The following SERPINB4 variants were observed in gnomAD, a reference collection of about 807,000 sequenced individuals.
The protein encoded by SERPINB4 is serpin family B member 4.
In SERPINB4, 39 loss-of-function variants were observed where a neutral mutation model predicts 33.2. The observed-to-expected ratio is 1.18, with a 90% CI of 0.91 to 1.53. The LOEUF (loss-of-function observed/expected upper bound fraction) is 1.53, where lower values mean the gene tolerates loss of function less well. SERPINB4 is among the 40% of genes most tolerant of loss of function. SERPINB4 has a pLI of 0.00. For missense variants in SERPINB4, 564 were observed against 455.4 expected, an observed-to-expected ratio of 1.24 and a Z score of -2.17; for synonymous variants, 191 against 166.4, an observed-to-expected ratio of 1.15 and a Z score of -1.14.
chr18:63,637,931 G>C lies in SERPINB4; in HGVS notation c.961C>G (p.His321Asp), dbSNP rs1325633177. Residue 321 changes from histidine (H) to aspartate (D), a missense_variant, in exon 8 of 8, where the codon CAC (histidine) becomes GAC (aspartate). Coordinates refer to ENST00000341074, the MANE Select transcript of SERPINB4 (RefSeq NM_002974.4). The stretch of plus-strand genomic sequence containing the variant: ...AGGACTTTAGATACTGAGAGACCGT[G>C]GCTCCAGGTCATGCCTGAGAGGTCT... ...DADLSGMTWS[H>D]GLSVSKVLHK... 6.2e-7 allele frequency: 1 copy of C among 1,613,496 alleles called. No homozygotes were observed. Among genetic ancestry groups the C allele is most frequent in the African/African-American group, 1.3e-5 (1 of 74,874 alleles).
At chr18:63,640,487 C>T (rs945764100) in intron 5 of SERPINB4, among the ~76,000 whole-genome samples, 2 of 152,020 alleles carry the variant, frequency 1.3e-5, no homozygotes, top group Admixed American at 1.3e-4. Context: ...GCTTGTTTCC[C>T]AATTAGTAAA....
rs770517967 is a variant in SERPINB4 at position 63,643,142 on chromosome 18, A to G, written c.222+19T>C. ...CTGTTCAGGGATCTAAAGCTGAACC[A>G]TAGTGCTCTGTGACTCACATGATAT... On this transcript the variant is annotated intron_variant, in intron 3 of 7. Coordinates refer to ENST00000341074, the MANE Select transcript of SERPINB4 (RefSeq NM_002974.4). The G allele has an allele frequency of 1.1e-5, 18 of 1,613,224 alleles. No individual in the cohort carries two copies. The East Asian group carries it at 3.6e-4, about 32-fold the overall frequency.
In SERPINB4 at chr18:63,643,410, T is replaced by C. The variant is rs779806426; in HGVS notation, c.165+3A>G. On this transcript the variant is annotated splice_donor_region_variant and intron_variant, in intron 2 of 7. Coordinates refer to ENST00000341074, the MANE Select transcript of SERPINB4 (RefSeq NM_002974.4). ...AGGACAACGTAATGATGCTGATAGCTACCTTGCTAATTTGTTGTGCAGTGT... is the reference window on the plus strand; with the variant it reads ...AGGACAACGTAATGATGCTGATAGCCACCTTGCTAATTTGTTGTGCAGTGT... 6.2e-7 allele frequency: 1 copy of C among 1,613,648 alleles called. No individual in the cohort carries two copies. The highest frequency in any genetic ancestry group is 1.3e-5 in the African/African-American group (1 of 75,014).
At position 63,637,296 on chromosome 18, in the gene SERPINB4, T is replaced by A. The variant is rs186796712; in HGVS notation, c.*423A>T. 1.3e-5 allele frequency: 2 copies of A among 155,552 alleles called. No individual in the cohort carries two copies. Among genetic ancestry groups the A allele is most frequent in the Non-Finnish European group, 2.8e-5 (2 of 70,558 alleles). The allele number at this position is 155,552 out of a possible 1,614,324, so 9.6% of individuals were successfully genotyped here. A position where few individuals can be genotyped will look rare whatever the true frequency, so the allele number is the denominator to read the frequency against. On this transcript the variant is annotated 3_prime_UTR_variant, in exon 8 of 8. Transcript: ENST00000341074. ...ATTATTTTATTGATGATGTGTTTTATAGAATCACAAAATTTAGAAACATAA... is the reference window on the plus strand; with the variant it reads ...ATTATTTTATTGATGATGTGTTTTAAAGAATCACAAAATTTAGAAACATAA...
intron 7 of SERPINB4, 28 bp downstream of exon 7, chr18:63,639,157 A>T (rs763349166): frequency 9.5e-5 from 148 of 1,554,522 alleles, no homozygotes; most frequent in Non-Finnish European, 1.2e-4. Context: ...CGGCAGTAGA[A>T]GGAAGAGTTG....
chr18:63,638,663 A>C (rs1481690580), intron 7 of SERPINB4, among the ~76,000 whole-genome samples: 1 of 151,858 alleles, frequency 6.6e-6, no homozygotes. Flanking sequence ...ATTGCTGCAT[A>C]ATAATATCAT....
At position 63,642,355 on chromosome 18, in the gene SERPINB4, G is replaced by A. The variant is rs567776897; in HGVS notation, c.223-467C>T. Reference sequence around the variant, plus strand: ...TGTAGGACACATTGACTGATCTGTGGCTCTTTCCTCATGATGGTCATTCTC... The same window carrying A: ...TGTAGGACACATTGACTGATCTGTGACTCTTTCCTCATGATGGTCATTCTC... On this transcript the variant is annotated intron_variant, in intron 3 of 7. Transcript: ENST00000341074. 1.3e-3 allele frequency among the ~76,000 whole-genome samples: 205 copies of A among 152,186 alleles called. 2 individuals carry two copies. The highest frequency in any genetic ancestry group is 3.4e-3 in the Middle Eastern group (1 of 294).
intron 3 of SERPINB4, among the ~76,000 whole-genome samples, chr18:63,642,147 G>C (rs1465900734): frequency 7.2e-5 from 11 of 152,200 alleles, no homozygotes; most frequent in Admixed American, 3.9e-4. Flanking sequence ...CTGTCTACCA[G>C]TAGATTTTCT....
Position 63,637,271 on chromosome 18 carries a change from A to T in SERPINB4, c.*448T>A, listed in dbSNP as rs1298744963. On this transcript the variant is annotated 3_prime_UTR_variant, in exon 8 of 8. Transcript: ENST00000341074. ...GGTAAAGCAAAAATGATTTTATGTC[A>T]TTATTTTATTGATGATGTGTTTTAT... The T allele has an allele frequency of 6.5e-6, 1 of 152,992 alleles. No individual in the cohort carries two copies. The highest frequency in any genetic ancestry group is 2.4e-5 in the African/African-American group (1 of 41,476). The allele number at this position is 152,992 out of a possible 1,614,324, so 9.5% of individuals were successfully genotyped here.
chr18:63,643,472 A>C lies in SERPINB4; in HGVS notation c.106T>G (p.Ser36Ala), dbSNP rs761556264. ...CCTAAGAGGACCATCCCTAATGCTG[A>C]TGTGATGCTGATAGGGGAATAGAAG... ...NIFYSPISIT[S>A]ALGMVLLGAK... The change falls in exon 2 of 8, where the codon TCA becomes GCA. Residue 36 changes from serine to alanine, a missense_variant. By Grantham distance (99) the Ser-to-Ala change is moderately conservative. Transcript: ENST00000341074. The C allele has an allele frequency of 6.2e-6, 10 of 1,613,710 alleles. No individual in the cohort carries two copies. The South Asian group carries it at 1.1e-4, about 18-fold the overall frequency.
Position 63,640,925 on chromosome 18 carries a change from G to A in SERPINB4, c.418C>T (p.Pro140Ser), listed in dbSNP as rs571728294. Residue 140 changes from proline to serine, a missense_variant, in exon 5 of 8, where the codon CCA (proline) becomes TCA (serine). Transcript: ENST00000341074. ...SVESTDFANA[P>S]EESRKKINSW... The stretch of plus-strand genomic sequence containing the variant: ...TTAATCTTCTTTCGACTTTCTTCTG[G>A]AGCATTTGCAAAATCAGTAGATTCC... The A allele has an allele frequency of 1.1e-5, 17 of 1,612,812 alleles. No individual in the cohort carries two copies. In the South Asian group the frequency reaches 1.8e-4, roughly 17 times the overall value.
At chr18:63,640,529 T>G (rs1288462850) in intron 5 of SERPINB4, among the ~76,000 whole-genome samples, 1 of 152,072 alleles carries the variant, frequency 6.6e-6, no homozygotes. Context: ...ATGTTTTCTA[T>G]TAAATATTCA....
In SERPINB4 at chr18:63,641,786, C is replaced by T. The variant is rs267605228; in HGVS notation, c.325G>A (p.Gly109Arg). The change falls in exon 4 of 8, where the codon GGA becomes AGA. Residue 109 changes from glycine (G) to arginine (R), a missense_variant. By Grantham distance (125) the Gly-to-Arg change is moderately radical. Coordinates refer to ENST00000341074, the MANE Select transcript of SERPINB4 (RefSeq NM_002974.4). ...TGTAAAAATTGATACGTCTTTTCTC[C>T]GAAGAGCTTGTTGGCGATCTTCAGC... ...YELKIANKLF[G>R]EKTYQFLQEY... is the part of the protein sequence containing the mutation. The T allele has an allele frequency of 5.6e-5, 91 of 1,613,314 alleles. No homozygotes were observed. Among genetic ancestry groups the T allele is most frequent in the Middle Eastern group, 5.0e-4 (3 of 6,054 alleles).
In SERPINB4 at chr18:63,637,884, G is replaced by GACC; in HGVS notation, c.1005_1007dup (p.Val336dup). 1 of 1,613,504 alleles carries GACC rather than the reference G, an allele frequency of 6.2e-7. No homozygotes were observed. The highest frequency in any genetic ancestry group is 1.3e-5 in the African/African-American group (1 of 74,978). ...CTGCAGCTTCCACTCCCTCCTCAGT[G>GACC]ACCTCCACAAAGGCCTTGTGTAGGA... On this transcript the variant is annotated inframe_insertion, in exon 8 of 8. Transcript: ENST00000341074.
At position 63,637,465 on chromosome 18, in the gene SERPINB4, T is replaced by C; in HGVS notation, c.*254A>G. The C allele has an allele frequency of 5.1e-6, 2 of 394,246 alleles. No homozygotes were observed. Among genetic ancestry groups the C allele is most frequent in the Non-Finnish European group, 9.0e-6 (2 of 222,276 alleles). 24.4% of individuals were successfully genotyped at this position (394,246 alleles called of 1,614,324 possible). A position where few individuals can be genotyped will look rare whatever the true frequency, so the allele number is the denominator to read the frequency against. On this transcript the variant is annotated 3_prime_UTR_variant, in exon 8 of 8. Coordinates refer to ENST00000341074, the MANE Select transcript of SERPINB4 (RefSeq NM_002974.4). ...CAAATTTAGAAGACACGGTATTAAATGATTCATCTTATCTTGGACATTTTT... is the reference window on the plus strand; with the variant it reads ...CAAATTTAGAAGACACGGTATTAAACGATTCATCTTATCTTGGACATTTTT...
intron 6 of SERPINB4, 125 bp from the exon 7 acceptor site, chr18:63,639,465 A>G: frequency 9.0e-7 from 1 of 1,116,434 alleles, no homozygotes; most frequent in Non-Finnish European, 1.3e-6. Context: ...TGAGTTAGAA[A>G]CAATAGTTTT....
rs770002031 is a variant in SERPINB4, at chr18:63,637,933, C to G, written c.959G>C (p.Ser320Thr). Residue 320 changes from serine (S) to threonine (T), a missense_variant, in exon 8 of 8, where the codon AGC (serine) becomes ACC (threonine). By Grantham distance (58) the Ser-to-Thr change is moderately conservative (BLOSUM62 1). Transcript: ENST00000341074. ...GDADLSGMTW[S>T]HGLSVSKVLH... is the part of the protein sequence containing the mutation. ...GACTTTAGATACTGAGAGACCGTGG[C>G]TCCAGGTCATGCCTGAGAGGTCTGC... 1 of 1,613,624 alleles carries G rather than the reference C, an allele frequency of 6.2e-7. No homozygotes were observed. Among genetic ancestry groups the G allele is most frequent in the South Asian group, 1.1e-5 (1 of 91,068 alleles).
At chr18:63,643,951 G>A (rs374463685) in intron 1 of SERPINB4, among the ~76,000 whole-genome samples, 6 of 151,822 alleles carry the variant, frequency 4.0e-5, no homozygotes, top group South Asian at 2.1e-4. Context: ...GTTAAGATGC[G>A]TCCCTGACAT....
At position 63,643,456 on chromosome 18, in the gene SERPINB4, ACCATCCCTAATG is replaced by A. The variant is rs1210963802; in HGVS notation, c.110_121del (p.Ala37_Met40del). On this transcript the variant is annotated inframe_deletion, in exon 2 of 8. Transcript: ENST00000341074. ...AGTGTTGTCTTTGGCTCCTAAGAGG[ACCATCCCTAATG>A]CTGATGTGATGCTGATAGGGGAATA... is the stretch of plus-strand genomic sequence containing the variant. 6.2e-7 allele frequency: 1 copy of A among 1,613,718 alleles called. No individual in the cohort carries two copies. The highest frequency in any genetic ancestry group is 2.2e-5 in the East Asian group (1 of 44,866).
Sources: allele counts gnomAD v4.1 joint callset (sites outside exome capture counted in the v4.1 genomes callset), GRCh38; gene constraint gnomAD v4.1.1; transcripts MANE v1.5; gene names NCBI Gene and HGNC (gene_info 2026-07-23, HGNC 2026-07-21).